CMSS1: variants seen among roughly 807,000 people sequenced by gnomAD.
CMSS1 encodes protein CMSS1.
Under a neutral mutation model 43.5 loss-of-function variants are expected in CMSS1, and 33 were observed. The ratio of observed to expected loss-of-function variants is 0.76; its 90% CI spans 0.57 to 1.01. The LOEUF is 1.01. Ranked by LOEUF, CMSS1 falls within the 50% of genes least tolerant of loss-of-function variation. The pLI is 0.00. For missense variants in CMSS1, 313 were observed against 326.4 expected, an observed-to-expected ratio of 0.96 and a Z score of 0.32; for synonymous variants, 115 against 117.2, an observed-to-expected ratio of 0.98 and a Z score of 0.12.
chr3:99,966,060 G>T (rs1708642247), intron 1 of CMSS1, among the ~76,000 whole-genome samples: 1 of 152,166 alleles, frequency 6.6e-6, no homozygotes, highest in Non-Finnish European at 1.5e-5. Flanking sequence ...GTTAATAGGG[G>T]TACAGCACAA....
intron 1 of CMSS1, among the ~76,000 whole-genome samples, chr3:99,963,099 GC>G (rs1559705339): frequency 6.6e-6 from 1 of 152,218 alleles, no homozygotes; most frequent in Non-Finnish European, 1.5e-5. Context: ...AGAGGGTTTA[GC>G]CTGCCTACAG....
chr3:100,106,176 T>C (rs762529967), intron 1 of CMSS1, among the ~76,000 whole-genome samples: 4 of 151,712 alleles, frequency 2.6e-5, no homozygotes, highest in African/African-American at 4.8e-5. Context: ...TCAGAAGAGG[T>C]TGACTTATCA....
At chr3:100,143,440 A>C (rs2066820561) in intron 1 of CMSS1, among the ~76,000 whole-genome samples, 1 of 152,108 alleles carries the variant, frequency 6.6e-6, no homozygotes, top group South Asian at 2.1e-4. Context: ...AATTCTTTTT[A>C]AATTTGTTAA....
At chr3:100,153,310 G>A (rs77855269) in intron 2 of CMSS1, among the ~76,000 whole-genome samples, 1 of 152,266 alleles carries the variant, frequency 6.6e-6, no homozygotes, top group African/African-American at 2.4e-5. Context: ...GTTACATGCT[G>A]TTTTGTTTAA....
chr3:100,109,213 A>AT (rs776916875), intron 1 of CMSS1, among the ~76,000 whole-genome samples: 11 of 151,920 alleles, frequency 7.2e-5, no homozygotes, highest in Non-Finnish European at 1.5e-4. Context: ...GTGTGTTTTA[A>AT]TATCCTAAAA....
chr3:100,058,031 AC>A (rs1452472245), intron 1 of CMSS1, among the ~76,000 whole-genome samples: 1 of 152,042 alleles, frequency 6.6e-6, no homozygotes, highest in African/African-American at 2.4e-5. Flanking sequence ...CCATTCTCCC[AC>A]TCATGCCTCA....
At chr3:99,973,251 G>A (rs1051548099) in intron 1 of CMSS1, among the ~76,000 whole-genome samples, 1 of 152,086 alleles carries the variant, frequency 6.6e-6, no homozygotes, top group Non-Finnish European at 1.5e-5. Context: ...CTCTTCTTGT[G>A]ATCTCATTAG....
At position 99,866,418 on chromosome 3, in the gene CMSS1, CA is replaced by C. The variant is rs200585233; in HGVS notation, c.64+48377del. On this transcript the variant is annotated intron_variant, in intron 1 of 9. Transcript: ENST00000421999. ...TCAAACTTCAGAAATTTAGAAACCACAACAACAGATGCCTATGTTTTACTGT... is the reference window on the plus strand; with the variant it reads ...TCAAACTTCAGAAATTTAGAAACCACACAACAGATGCCTATGTTTTACTGT... Among the ~76,000 whole-genome samples the C allele has an allele frequency of 7.7e-3, 1,170 of 152,214 alleles. 20 individuals carry two copies. Among genetic ancestry groups the C allele is most frequent in the African/African-American group, 0.026 (1,079 of 41,536 alleles).
intron 1 of CMSS1, among the ~76,000 whole-genome samples, chr3:99,932,715 C>G (rs1429924893): frequency 6.6e-6 from 1 of 152,152 alleles, no homozygotes; most frequent in Non-Finnish European, 1.5e-5. Context: ...CATGGCGAAA[C>G]CCCATCTCTG....
intron 1 of CMSS1, among the ~76,000 whole-genome samples, chr3:99,854,704 T>C (rs1007402226): frequency 1.3e-5 from 2 of 152,112 alleles, no homozygotes; most frequent in African/African-American, 2.4e-5. Flanking sequence ...TCACCTCCAG[T>C]TGAGAACTAC....
At chr3:99,992,517 T>C (rs2107137553) in intron 1 of CMSS1, among the ~76,000 whole-genome samples, 1 of 152,216 alleles carries the variant, frequency 6.6e-6, no homozygotes, top group East Asian at 1.9e-4. Flanking sequence ...GGTTATTTGG[T>C]TTTTTTCTTG....
At chr3:100,093,835 A>G (rs1027037100) in intron 1 of CMSS1, among the ~76,000 whole-genome samples, 6 of 152,310 alleles carry the variant, frequency 3.9e-5, no homozygotes, top group African/African-American at 1.4e-4. Flanking sequence ...TTTTTCACTT[A>G]TCACATAGCA....
At chr3:99,904,895 C>G (rs186385371) in intron 1 of CMSS1, among the ~76,000 whole-genome samples, 3 of 152,314 alleles carry the variant, frequency 2.0e-5, no homozygotes, top group Admixed American at 2.0e-4. Context: ...TTATTACACT[C>G]TTTACGTCTA....
At chr3:99,870,553 T>C (rs1472233125) in intron 1 of CMSS1, among the ~76,000 whole-genome samples, 1 of 152,188 alleles carries the variant, frequency 6.6e-6, no homozygotes, top group Admixed American at 6.5e-5. Context: ...GTGGTACCAG[T>C]CCATGCTAGT....
Position 100,033,633 on chromosome 3 carries a change from G to A in CMSS1, c.65-113340G>A, listed in dbSNP as rs16841897. Among the ~76,000 whole-genome samples the A allele has an allele frequency of 5.0e-3, 754 of 152,210 alleles. 5 individuals are homozygous for A. Among genetic ancestry groups the A allele is most frequent in the African/African-American group, 0.017 (709 of 41,528 alleles). On this transcript the variant is annotated intron_variant, in intron 1 of 9. Transcript: ENST00000421999. ...TAGCCTGAAAAGCAGATATTAGGAC[G>A]GGAGCTTTTTAAATGGTCAGTAGGA...
intron 1 of CMSS1, among the ~76,000 whole-genome samples, chr3:99,921,518 G>T (rs1246104103): frequency 6.6e-6 from 1 of 152,154 alleles, no homozygotes; most frequent in East Asian, 1.9e-4. Context: ...ATGCATCAAG[G>T]GAGTTGAGAA....
At chr3:99,826,535 A>G (rs1302843147) in intron 1 of CMSS1, among the ~76,000 whole-genome samples, 1 of 152,184 alleles carries the variant, frequency 6.6e-6, no homozygotes, top group Non-Finnish European at 1.5e-5. Context: ...TCTTATTTTG[A>G]TTGTTTTTCA....
At chr3:99,914,581 G>A (rs1198316472) in intron 1 of CMSS1, among the ~76,000 whole-genome samples, 1 of 152,158 alleles carries the variant, frequency 6.6e-6, no homozygotes, top group Admixed American at 6.5e-5. Context: ...CTCAGGTAAA[G>A]TTATAAAGTA....
At chr3:99,839,074 G>A (rs75846467) in intron 1 of CMSS1, among the ~76,000 whole-genome samples, 5,924 of 152,042 alleles carry the variant, frequency 0.039, 152 homozygotes, top group Middle Eastern at 0.065. Context: ...GCACCTCTTT[G>A]GAGCACCTTT....
Sources: gnomAD v4.1 joint callset for allele counts (sites outside exome capture counted in the v4.1 genomes callset) on GRCh38, gnomAD v4.1.1 for gene constraint, MANE v1.5 for transcripts, NCBI Gene and HGNC (gene_info 2026-07-23, HGNC 2026-07-21) for gene names.